Variants in ERP44 observed in about 807,000 individuals in gnomAD.
ERP44 encodes endoplasmic reticulum resident protein 44.
ERP44 carries 25 observed loss-of-function variants against 53.4 expected under a neutral mutation model. The observed-to-expected ratio is 0.47, with a 90% confidence interval of 0.34 to 0.65. ERP44 has a LOEUF of 0.65. Among genes scored for constraint, ERP44 ranks in the 30% least tolerant of loss-of-function variants. ERP44 has a pLI of 0.01. For missense variants in ERP44, 338 were observed against 493.2 expected (o/e 0.69, Z 2.98); for synonymous variants, 145 against 161.2 (o/e 0.90, Z 0.76).
chr9:100,098,634 A>C, intron 1 of ERP44, 150 bp downstream of exon 1: 1 of 600,300 alleles, frequency 1.7e-6, no homozygotes. Flanking sequence ...GGAAGCCGAC[A>C]GGCGAGAGTG....
At chr9:100,073,438 C>T (rs1323649788) in intron 1 of ERP44, among the ~76,000 whole-genome samples, 11 of 152,160 alleles carry the variant, frequency 7.2e-5, no homozygotes. Context: ...TTGGTACCAG[C>T]TCTACCACTC....
intron 4 of ERP44, among the ~76,000 whole-genome samples, chr9:100,047,957 T>C (rs1189425988): frequency 2.0e-5 from 3 of 152,092 alleles, no homozygotes; most frequent in African/African-American, 7.2e-5. Flanking sequence ...AAGGAAGATA[T>C]ACAAATGACC....
rs140054564 is a variant in ERP44, at chr9:100,033,543, C to G, written c.287-11317G>C. ...ATCCCATTAAAGCCAATTAAGAAAG[C>G]CTGTGTGAAAAATAATTATTCTTGC... On this transcript the variant is annotated intron_variant, in intron 4 of 11. Coordinates refer to ENST00000262455, the MANE Select transcript of ERP44 (RefSeq NM_015051.3). Among the ~76,000 whole-genome samples, 229 of 152,256 alleles carry G rather than the reference C, an allele frequency of 1.5e-3. 1 individual carries two copies. The highest frequency in any genetic ancestry group is 5.3e-3 in the African/African-American group (222 of 41,540).
At chr9:100,080,329 C>G (rs193163707) in intron 1 of ERP44, among the ~76,000 whole-genome samples, 28 of 152,120 alleles carry the variant, frequency 1.8e-4, no homozygotes, top group African/African-American at 6.5e-4. Context: ...ATCTGCTCAC[C>G]TTTAGGACTG....
intron 1 of ERP44, among the ~76,000 whole-genome samples, chr9:100,065,854 G>A (rs987138272): frequency 3.0e-4 from 45 of 152,212 alleles, no homozygotes; most frequent in African/African-American, 1.0e-3. Flanking sequence ...CTAATTCATA[G>A]ACGCATTAGC....
chr9:100,013,769 G>T (rs1179102934), intron 8 of ERP44, among the ~76,000 whole-genome samples: 7 of 152,144 alleles, frequency 4.6e-5, no homozygotes, highest in Non-Finnish European at 1.0e-4. Flanking sequence ...TATGCCCTAT[G>T]ACTCAGCAAT....
At chr9:100,017,640 A>T (rs879855672) in intron 7 of ERP44, among the ~76,000 whole-genome samples, 2 of 152,262 alleles carry the variant, frequency 1.3e-5, no homozygotes, top group African/African-American at 2.4e-5. Context: ...TGAAAACTAT[A>T]AATTGAAAAA....
chr9:100,071,097 T>G (rs1251664194), intron 1 of ERP44, among the ~76,000 whole-genome samples: 2 of 148,752 alleles, frequency 1.3e-5, no homozygotes, highest in Non-Finnish European at 3.0e-5. Context: ...TATAAGGTTT[T>G]TTTTTTTTTT....
intron 1 of ERP44, among the ~76,000 whole-genome samples, chr9:100,093,651 G>A (rs1346890480): frequency 2.0e-5 from 3 of 150,726 alleles, no homozygotes; most frequent in Admixed American, 6.6e-5. Flanking sequence ...TGTGGGGGGG[G>A]AAAAAAAAAG....
rs1427617685 is a variant in ERP44 at position 99,981,429 on chromosome 9, T to C, written c.*1183A>G. The C allele has an allele frequency of 1.3e-5, 2 of 152,638 alleles. No individual in the cohort carries two copies. Among genetic ancestry groups the C allele is most frequent in the Non-Finnish European group, 2.9e-5 (2 of 68,032 alleles). The allele number at this position is 152,638 out of a possible 1,614,324, so 9.5% of individuals were successfully genotyped here. On this transcript the variant is annotated 3_prime_UTR_variant, in exon 12 of 12. Transcript: ENST00000262455. ...GCTTAAAAATAATCTTTTCCCAAAC[T>C]GGGATTGATTTATACCCAAGTATAA...
At chr9:100,036,294 TG>T (rs1430613809) in intron 4 of ERP44, among the ~76,000 whole-genome samples, 1 of 152,238 alleles carries the variant, frequency 6.6e-6, no homozygotes, top group Non-Finnish European at 1.5e-5. Context: ...ATATATGCCA[TG>T]GTACACTATG....
Position 100,048,977 on chromosome 9 carries a change from T to C in ERP44, c.286+3440A>G, listed in dbSNP as rs377228337. 5.3e-5 allele frequency among the ~76,000 whole-genome samples: 8 copies of C among 152,212 alleles called. No individual in the cohort carries two copies. The East Asian group carries it at 1.2e-3, about 22-fold the overall frequency. Reference sequence around the variant, plus strand: ...GAATACATTTAACAGTATTAAATTGTACAATTTAAAATGGTAAGATAGTAA... The same window carrying C: ...GAATACATTTAACAGTATTAAATTGCACAATTTAAAATGGTAAGATAGTAA... On this transcript the variant is annotated intron_variant, in intron 4 of 11. Coordinates refer to ENST00000262455, the MANE Select transcript of ERP44 (RefSeq NM_015051.3).
intron 4 of ERP44, among the ~76,000 whole-genome samples, chr9:100,036,674 CA>C (rs2118680726): frequency 6.6e-6 from 1 of 151,916 alleles, no homozygotes; most frequent in East Asian, 1.9e-4. Context: ...TGAAAATGAA[CA>C]AAAAAGGATG....
chr9:100,030,016 A>G (rs1477626764), intron 4 of ERP44, among the ~76,000 whole-genome samples: 2 of 152,156 alleles, frequency 1.3e-5, no homozygotes, highest in South Asian at 4.1e-4. Flanking sequence ...TGAACCCAGA[A>G]GGCAGAGGTT....
chr9:99,999,143 G>C, intron 10 of ERP44: 1 of 568,300 alleles, frequency 1.8e-6, no homozygotes, highest in East Asian at 3.1e-5. Flanking sequence ...GTACCGCGCT[G>C]GGAGGCCAGG....
intron 4 of ERP44, among the ~76,000 whole-genome samples, chr9:100,028,762 G>A (rs1421324331): frequency 6.6e-6 from 1 of 152,160 alleles, no homozygotes; most frequent in Admixed American, 6.5e-5. Context: ...CCTAGAGAGA[G>A]TAGAGCATTA....
At chr9:100,042,237 T>C (rs1825912439) in intron 4 of ERP44, among the ~76,000 whole-genome samples, 1 of 152,118 alleles carries the variant, frequency 6.6e-6, no homozygotes, top group Non-Finnish European at 1.5e-5. Flanking sequence ...TCTGATTAAA[T>C]AATAAGCAAA....
intron 10 of ERP44, among the ~76,000 whole-genome samples, chr9:99,994,373 A>G (rs1830287608): frequency 1.3e-5 from 2 of 152,140 alleles, no homozygotes; most frequent in South Asian, 4.1e-4. Context: ...GAAGCTGGAA[A>G]CCATCATTCT....
chr9:100,078,572 T>C lies in ERP44; in HGVS notation c.58-18400A>G, dbSNP rs369986176. 4.6e-5 allele frequency among the ~76,000 whole-genome samples: 7 copies of C among 151,430 alleles called. No homozygotes were observed. The East Asian group carries it at 1.2e-3, about 25-fold the overall frequency. ...GAGTTCAAGACCAGCCTGGCCAACATAGGGAAACCCTGTCTCTACTAAAAA... is the reference window on the plus strand; with the variant it reads ...GAGTTCAAGACCAGCCTGGCCAACACAGGGAAACCCTGTCTCTACTAAAAA... On this transcript the variant is annotated intron_variant, in intron 1 of 11. Coordinates refer to ENST00000262455, the MANE Select transcript of ERP44 (RefSeq NM_015051.3).
Sources: allele counts gnomAD v4.1 joint callset (sites outside exome capture counted in the v4.1 genomes callset), GRCh38; gene constraint gnomAD v4.1.1; transcripts MANE v1.5; gene names NCBI Gene and HGNC (gene_info 2026-07-23, HGNC 2026-07-21).